The following SPPL2B variants were observed in gnomAD, a reference collection of about 807,000 sequenced individuals.
SPPL2B encodes signal peptide peptidase-like 2B.
Under a neutral mutation model 59.7 loss-of-function variants are expected in SPPL2B, and 39 were observed. The ratio of observed to expected loss-of-function variants is 0.65; its 90% CI spans 0.51 to 0.85. The LOEUF (loss-of-function observed/expected upper bound fraction) is 0.85. SPPL2B is among the 40% of genes least tolerant of loss of function. SPPL2B has a pLI of 0.00. For missense variants in SPPL2B, 865 were observed against 849.0 expected, an observed-to-expected ratio of 1.02 and a Z score of -0.23; for synonymous variants, 419 against 370.8, an observed-to-expected ratio of 1.13 and a Z score of -1.49.
intron 13 of SPPL2B, among the ~76,000 whole-genome samples, chr19:2,348,074 C>T (rs1969576086): frequency 1.1e-5 from 1 of 92,854 alleles, no homozygotes; most frequent in South Asian, 4.4e-4. Context: ...CATTCTCTCC[C>T]TCCACACACA....
chr19:2,329,545 C>G (rs143720721), intron 1 of SPPL2B, among the ~76,000 whole-genome samples: 34 of 152,308 alleles, frequency 2.2e-4, no homozygotes, highest in Non-Finnish European at 4.7e-4. Flanking sequence ...TTCCCTCTCT[C>G]CTGAGTTCGG....
chr19:2,353,223 C>A lies in SPPL2B; in HGVS notation c.*14C>A. 1 of 1,563,690 alleles carries A rather than the reference C, an allele frequency of 6.4e-7. No homozygotes were observed. Among genetic ancestry groups the A allele is most frequent in the South Asian group, 1.2e-5 (1 of 83,964 alleles). Reference sequence around the variant, plus strand: ...GCCTCGGCCTAGGGGAGGGGTGAGACGCTCGCTGCCGTGCCCGCCACACCA... The same window carrying A: ...GCCTCGGCCTAGGGGAGGGGTGAGAAGCTCGCTGCCGTGCCCGCCACACCA... On this transcript the variant is annotated 3_prime_UTR_variant, in exon 15 of 15. Coordinates refer to ENST00000613503, the MANE Select transcript of SPPL2B (RefSeq NM_152988.3).
rs1215123240 is a variant in SPPL2B, at chr19:2,348,177, C to T, written c.1354+2847C>T. ...TCCGTTCTCTCTCCACACACACTCG[C>T]GCTCTCATTCGCTTGATTCCGTTCT... On this transcript the variant is annotated intron_variant, in intron 13 of 14. Coordinates refer to ENST00000613503, the MANE Select transcript of SPPL2B (RefSeq NM_152988.3). 9.5e-5 allele frequency among the ~76,000 whole-genome samples: 12 copies of T among 126,836 alleles called. 2 individuals carry two copies. The highest frequency in any genetic ancestry group is 3.4e-4 in the African/African-American group (11 of 31,974). The allele number at this position is 126,836 out of a possible 152,430, so 83.2% of individuals were successfully genotyped here.
At chr19:2,341,739 AAG>A (rs1462343747) in intron 8 of SPPL2B, 1 of 394,174 alleles carries the variant, frequency 2.5e-6, no homozygotes, top group South Asian at 1.7e-5. Flanking sequence ...TTTGTACACA[AAG>A]AGAAAATGAA....
chr19:2,330,275 A>ATGTT (rs568961458), intron 1 of SPPL2B: 7 of 132,200 alleles, frequency 5.3e-5, no homozygotes, highest in Non-Finnish European at 7.8e-5. Context: ...TCCTGGCTAA[A>ATGTT]TTTTTTTTTT....
At chr19:2,343,702 C>T (rs939786064) in intron 9 of SPPL2B, among the ~76,000 whole-genome samples, 3 of 152,134 alleles carry the variant, frequency 2.0e-5, no homozygotes, top group African/African-American at 7.2e-5. Context: ...TCCCCAGAGC[C>T]GGCCCTGCGT....
rs371443207 is a variant in SPPL2B, at chr19:2,340,015, C to A, written c.742+49C>A. On this transcript the variant is annotated intron_variant, in intron 6 of 14. Coordinates refer to ENST00000613503, the MANE Select transcript of SPPL2B (RefSeq NM_152988.3). ...CCGCGGCGTGGAGATGCAGCCCGCC[C>A]CGTGCGGAGGGAGGGTGGCGTGCGG... 1.5e-5 allele frequency: 24 copies of A among 1,555,502 alleles called. No individual in the cohort carries two copies. In the African/African-American group the frequency reaches 3.3e-4, roughly 21 times the overall value.
chr19:2,347,319 T>A (rs1253465892), intron 13 of SPPL2B, among the ~76,000 whole-genome samples: 3 of 86,786 alleles, frequency 3.5e-5, no homozygotes, highest in Non-Finnish European at 7.1e-5. Context: ...CCACACACAC[T>A]CACGCGCTCT....
chr19:2,350,735 C>T (rs777025508), intron 13 of SPPL2B, among the ~76,000 whole-genome samples: 1 of 152,268 alleles, frequency 6.6e-6, no homozygotes, highest in Non-Finnish European at 1.5e-5. Flanking sequence ...TTGTAGGAAC[C>T]TATGGTGATT....
chr19:2,334,535 T>G, intron 1 of SPPL2B, 67 bp from the exon 2 acceptor site: 4 of 1,540,404 alleles, frequency 2.6e-6, no homozygotes, highest in Non-Finnish European at 3.5e-6. Flanking sequence ...TCGGGCCTGT[T>G]TCTCGTGGGG....
chr19:2,344,169 G>A (rs902351933), intron 10 of SPPL2B, 130 bp downstream of exon 10: 33 of 353,756 alleles, frequency 9.3e-5, no homozygotes, highest in Admixed American at 6.8e-5. Context: ...ACCCCACACC[G>A]TGCTCCCCTG....
intron 4 of SPPL2B, 79 bp from the exon 5 acceptor site, chr19:2,338,990 C>T (rs1269314463): frequency 2.3e-5 from 34 of 1,504,760 alleles, no homozygotes; most frequent in Non-Finnish European, 3.0e-5. Flanking sequence ...CAGCCCCAGC[C>T]CCACAGCCCA....
At chr19:2,352,417 G>A (rs576105542) in intron 14 of SPPL2B, among the ~76,000 whole-genome samples, 14 of 152,296 alleles carry the variant, frequency 9.2e-5, no homozygotes, top group Admixed American at 3.3e-4. Context: ...TGCTGGCCGC[G>A]CATGGGGTCC....
At chr19:2,349,018 G>A (rs1204477261) in intron 13 of SPPL2B, among the ~76,000 whole-genome samples, 8 of 114,764 alleles carry the variant, frequency 7.0e-5, no homozygotes, top group South Asian at 2.8e-4. Flanking sequence ...GCTTGATTCC[G>A]TTCTCTCTCT....
At chr19:2,338,977 C>T (rs1018287096) in intron 4 of SPPL2B, 92 bp from the exon 5 acceptor site, 58 of 1,503,258 alleles carry the variant, frequency 3.9e-5, no homozygotes, top group Non-Finnish European at 5.2e-5. Context: ...AGGCCAGGGT[C>T]TCCAGCCCCA....
Position 2,338,748 on chromosome 19 carries a change from C to T in SPPL2B, c.370-4C>T, listed in dbSNP as rs1317948649. The T allele has an allele frequency of 4.3e-6, 7 of 1,611,374 alleles. No individual in the cohort carries two copies. The South Asian group carries it at 5.5e-5, about 13-fold the overall frequency. On this transcript the variant is annotated splice_region_variant and splice_polypyrimidine_tract_variant and intron_variant, in intron 3 of 14. Coordinates refer to ENST00000613503, the MANE Select transcript of SPPL2B (RefSeq NM_152988.3). ...GCCTGCCGCTCCCTCCTCTGGGCCCCCAGGTCCCCCCGGGGGGTAATAAGA... is the reference window on the plus strand; with the variant it reads ...GCCTGCCGCTCCCTCCTCTGGGCCCTCAGGTCCCCCCGGGGGGTAATAAGA...
chr19:2,338,734 C>T lies in SPPL2B; in HGVS notation c.370-18C>T, dbSNP rs1318869543. The T allele has an allele frequency of 6.3e-6, 10 of 1,594,954 alleles. No homozygotes were observed. Among genetic ancestry groups the T allele is most frequent in the Non-Finnish European group, 8.6e-6 (10 of 1,164,046 alleles). ...CTGCTGCGGGTGATGCCTGCCGCTC[C>T]CTCCTCTGGGCCCCCAGGTCCCCCC... is the stretch of plus-strand genomic sequence containing the variant. On this transcript the variant is annotated intron_variant, in intron 3 of 14. Transcript: ENST00000613503.
chr19:2,343,032 T>C lies in SPPL2B; in HGVS notation c.957-179T>C. ...GCCTGTGCCGCCAGCCCTGCTGGAGTTGTAACAGCAGGGGTCCTCCCACAG... is the reference window on the plus strand; with the variant it reads ...GCCTGTGCCGCCAGCCCTGCTGGAGCTGTAACAGCAGGGGTCCTCCCACAG... On this transcript the variant is annotated intron_variant, in intron 8 of 14. Coordinates refer to ENST00000613503, the MANE Select transcript of SPPL2B (RefSeq NM_152988.3). 3 of 599,776 alleles carry C rather than the reference T, an allele frequency of 5.0e-6. 1 individual carries two copies. In the South Asian group the frequency reaches 5.6e-5, roughly 11 times the overall value. The allele number at this position is 599,776 out of a possible 1,614,324, so 37.2% of individuals were successfully genotyped here.
chr19:2,348,858 C>T (rs1292995149), intron 13 of SPPL2B, among the ~76,000 whole-genome samples: 2 of 146,272 alleles, frequency 1.4e-5, no homozygotes, highest in Non-Finnish European at 3.0e-5. Context: ...CACACACTCA[C>T]GCGCTGTCAT....
Sources: gnomAD v4.1 joint callset for allele counts (sites outside exome capture counted in the v4.1 genomes callset) on GRCh38, gnomAD v4.1.1 for gene constraint, MANE v1.5 for transcripts, NCBI Gene and HGNC (gene_info 2026-07-23, HGNC 2026-07-21) for gene names.